The following RYR2 variants were observed in gnomAD, a reference collection of about 807,000 sequenced individuals.
RYR2 encodes the protein cardiac muscle ryanodine receptor-calcium release channel.
A neutral mutation model predicts 601.1 loss-of-function variants in RYR2; 227 were observed. The ratio of observed to expected loss-of-function variants is 0.38; its 90% CI spans 0.34 to 0.42. The LOEUF is 0.42. RYR2 is among the 10% of genes least tolerant of loss of function. The pLI, the probability that RYR2 is intolerant of heterozygous loss-of-function variation, is 1.00. For missense variants in RYR2, 4,646 were observed against 6,156.5 expected (o/e 0.75, Z 8.21); for synonymous variants, 2,223 against 2,175.1 (o/e 1.02, Z -0.61).
chr1:237,451,226 C>G (rs6429015), intron 14 of RYR2, among the ~76,000 whole-genome samples: 16 of 151,838 alleles, frequency 1.1e-4, no homozygotes, highest in Admixed American at 1.3e-4. Context: ...TTGTATTCTA[C>G]GTTCTATACA....
At chr1:237,472,404 G>C (rs188506052) in intron 17 of RYR2, among the ~76,000 whole-genome samples, 3 of 152,188 alleles carry the variant, frequency 2.0e-5, no homozygotes, top group African/African-American at 7.2e-5. Flanking sequence ...TTACTGCCTT[G>C]GCAGGTCCCC....
intron 11 of RYR2, 42 bp downstream of exon 11, chr1:237,417,165 C>T (rs1705090135): frequency 6.9e-7 from 1 of 1,457,364 alleles, no homozygotes; most frequent in South Asian, 1.1e-5. Flanking sequence ...ACCAAGTGTA[C>T]CAAATAGCTC....
At chr1:237,341,519 T>A in intron 3 of RYR2, 1 of 394,808 alleles carries the variant, frequency 2.5e-6, no homozygotes, top group Non-Finnish European at 5.3e-6. Context: ...AGACTATGTA[T>A]TCGCGGTCTG....
intron 1 of RYR2, among the ~76,000 whole-genome samples, chr1:237,128,176 G>A (rs1671745435): frequency 6.6e-6 from 1 of 152,196 alleles, no homozygotes. Flanking sequence ...TGCGGTTAGG[G>A]GCTGGAGACC....
At chr1:237,655,030 A>G (rs888551560) in intron 52 of RYR2, among the ~76,000 whole-genome samples, 11 of 152,230 alleles carry the variant, frequency 7.2e-5, no homozygotes, top group African/African-American at 1.4e-4. Context: ...CCAGATTGAC[A>G]TTATTAGATG....
chr1:237,463,099 G>C (rs1659667595), intron 16 of RYR2, among the ~76,000 whole-genome samples: 1 of 151,964 alleles, frequency 6.6e-6, no homozygotes, highest in Non-Finnish European at 1.5e-5. Context: ...TTGTTTAATG[G>C]GTTTTATTTT....
Position 237,623,383 on chromosome 1 carries a change from CTTTTTTTTTTTT to C in RYR2, c.5917-368_5917-357del, listed in dbSNP as rs1164153613. 2.8e-5 allele frequency among the ~76,000 whole-genome samples: 3 copies of C among 108,856 alleles called. 1 individual carries two copies. The South Asian group carries it at 9.0e-4, about 33-fold the overall frequency. 71.4% of individuals were successfully genotyped at this position (108,856 alleles called of 152,430 possible). On this transcript the variant is annotated intron_variant, in intron 38 of 104. Transcript: ENST00000366574. The stretch of plus-strand genomic sequence containing the variant: ...TGTTTCTTTCTTTCTTTCTTTCTTT[CTTTTTTTTTTTT>C]TTTTTTTTTTTTTGAGACAAAGTCT...
intron 1 of RYR2, among the ~76,000 whole-genome samples, chr1:237,139,691 T>A (rs1204489420): frequency 6.6e-6 from 1 of 152,228 alleles, no homozygotes; most frequent in Admixed American, 6.5e-5. Context: ...TGTTTATGAC[T>A]AGAGTCACCT....
intron 6 of RYR2, among the ~76,000 whole-genome samples, chr1:237,371,714 G>A (rs1700656582): frequency 6.6e-6 from 1 of 152,158 alleles, no homozygotes; most frequent in East Asian, 1.9e-4. Context: ...ATACTATGCA[G>A]CCATGAAAAA....
intron 79 of RYR2, among the ~76,000 whole-genome samples, chr1:237,735,886 A>G (rs1298296745): frequency 6.6e-6 from 1 of 152,216 alleles, no homozygotes. Context: ...ACTTTCTCCA[A>G]ATATTTTCTA....
chr1:237,548,587 A>G lies in RYR2; in HGVS notation c.3063A>G (p.Gln1021=). ...GGCAGGGCTGGACTTATGGCATCCA[A>G]CAGGTACATGGGAATTAGCATTTGG... ...RIRQGWTYGI[Q]QDVKNRRNPR... is the part of the protein sequence containing the mutation. The change falls in exon 26 of 105, where the codon CAA becomes CAG. Residue 1021 remains glutamine (Q), a synonymous_variant. Transcript: ENST00000366574. 5 of 1,613,860 alleles carry G rather than the reference A, an allele frequency of 3.1e-6. No individual in the cohort carries two copies. Among genetic ancestry groups the G allele is most frequent in the Non-Finnish European group, 1.7e-6 (2 of 1,179,832 alleles).
intron 29 of RYR2, among the ~76,000 whole-genome samples, chr1:237,576,703 C>T (rs777942583): frequency 6.6e-6 from 1 of 151,870 alleles, no homozygotes; most frequent in Non-Finnish European, 1.5e-5. Flanking sequence ...AGCAGAAAAA[C>T]AGTCAGGTAT....
At chr1:237,722,747 T>G (rs1689853872) in intron 73 of RYR2, among the ~76,000 whole-genome samples, 1 of 152,162 alleles carries the variant, frequency 6.6e-6, no homozygotes, top group African/African-American at 2.4e-5. Context: ...TTTTTAATTT[T>G]TAATAATTGT....
chr1:237,474,272 CACACACACACACATATATATATAT>C (rs1359485200), intron 17 of RYR2, among the ~76,000 whole-genome samples: 7 of 69,352 alleles, frequency 1.0e-4, no homozygotes, highest in Non-Finnish European at 2.0e-4. Context: ...GATACCTACA[CACACACACACACATATATATATAT>C]ACACACACAC....
At chr1:237,533,651 A>T (rs1317420362) in intron 25 of RYR2, among the ~76,000 whole-genome samples, 1 of 152,218 alleles carries the variant, frequency 6.6e-6, no homozygotes, top group Non-Finnish European at 1.5e-5. Context: ...GATGCAATGT[A>T]AAACCATCTT....
intron 6 of RYR2, among the ~76,000 whole-genome samples, chr1:237,371,727 A>T (rs982255536): frequency 6.6e-6 from 1 of 152,198 alleles, no homozygotes; most frequent in African/African-American, 2.4e-5. Context: ...ATGAAAAAGG[A>T]TGAGTTTATG....
At chr1:237,133,677 G>C (rs1472887230) in intron 1 of RYR2, among the ~76,000 whole-genome samples, 1 of 152,056 alleles carries the variant, frequency 6.6e-6, no homozygotes, top group African/African-American at 2.4e-5. Context: ...GGCCAGGCAT[G>C]GTGGCTCACA....
At chr1:237,113,342 G>T (rs1669708176) in intron 1 of RYR2, among the ~76,000 whole-genome samples, 1 of 151,886 alleles carries the variant, frequency 6.6e-6, no homozygotes, top group Non-Finnish European at 1.5e-5. Context: ...GGGATTACAG[G>T]TGTGCGCCAC....
At chr1:237,412,737 T>C (rs1704572877) in intron 10 of RYR2, among the ~76,000 whole-genome samples, 1 of 152,184 alleles carries the variant, frequency 6.6e-6, no homozygotes, top group African/African-American at 2.4e-5. Context: ...TTAAAATCCC[T>C]TGTGATGATT....
Sources: gnomAD v4.1 joint callset for allele counts (sites outside exome capture counted in the v4.1 genomes callset) on GRCh38, gnomAD v4.1.1 for gene constraint, MANE v1.5 for transcripts, NCBI Gene and HGNC (gene_info 2026-07-23, HGNC 2026-07-21) for gene names.